PRR5L: variants seen among roughly 807,000 people sequenced by gnomAD.
PRR5L encodes the protein proline rich 5 like.
In PRR5L, 21 loss-of-function variants were observed where a neutral mutation model predicts 36.4. The observed-to-expected ratio is 0.58, with a 90% CI of 0.41 to 0.83. The LOEUF (loss-of-function observed/expected upper bound fraction) is 0.83, where lower values mean the gene tolerates loss of function less well. Ranked by LOEUF, PRR5L falls within the 40% of genes least tolerant of loss-of-function variation. PRR5L has a pLI of 0.00. For synonymous variants in PRR5L, 188 were observed against 197.0 expected (o/e 0.95, Z 0.38); for missense variants, 381 against 473.3 (o/e 0.80, Z 1.81).
In PRR5L at chr11:36,344,185, C is replaced by T. The variant is rs958656357; in HGVS notation, c.-126+47747C>T. Among the ~76,000 whole-genome samples the T allele has an allele frequency of 6.6e-6, 1 of 151,858 alleles. No homozygotes were observed. The highest frequency in any genetic ancestry group is 2.4e-5 in the African/African-American group (1 of 41,300). On this transcript the variant is annotated intron_variant, in intron 1 of 8. Transcript: ENST00000530639. The surrounding 1 kb of genome is among the most constrained non-coding windows in gnomAD (Gnocchi z 4.1). Reference sequence around the variant, plus strand: ...TGAGCCAAGATTGTGCCACTGCACACTCCAGCCTGGGCAACAAGCGCAAAA... The same window carrying T: ...TGAGCCAAGATTGTGCCACTGCACATTCCAGCCTGGGCAACAAGCGCAAAA...
intron 7 of PRR5L, 75 bp from the exon 8 acceptor site, chr11:36,451,134 G>A: frequency 1.3e-6 from 2 of 1,562,042 alleles, no homozygotes; most frequent in Non-Finnish European, 1.8e-6. Flanking sequence ...GGACAATCAG[G>A]ATTTGTTGAG....
At chr11:36,444,959 C>A (rs1453337172) in intron 6 of PRR5L, among the ~76,000 whole-genome samples, 3 of 152,180 alleles carry the variant, frequency 2.0e-5, no homozygotes, top group Non-Finnish European at 4.4e-5. Context: ...TACCAACTGG[C>A]CAACTTTTAA....
At chr11:36,359,859 A>G (rs1291234579) in intron 1 of PRR5L, among the ~76,000 whole-genome samples, 1 of 152,184 alleles carries the variant, frequency 6.6e-6, no homozygotes, top group Non-Finnish European at 1.5e-5. Flanking sequence ...CAACAGGGCA[A>G]AACCCCATCT....
At chr11:36,385,569 G>A (rs1374228089) in intron 1 of PRR5L, among the ~76,000 whole-genome samples, 1 of 152,192 alleles carries the variant, frequency 6.6e-6, no homozygotes, top group Non-Finnish European at 1.5e-5. Flanking sequence ...ATTTATTGTT[G>A]TGCAAATTTG....
intron 1 of PRR5L, among the ~76,000 whole-genome samples, chr11:36,345,797 G>A (rs1350517444): frequency 2.0e-5 from 3 of 152,194 alleles, no homozygotes; most frequent in South Asian, 2.1e-4. Context: ...CAGATGCTCC[G>A]GGAAAAGCTC....
At chr11:36,424,369 T>C (rs551721259) in intron 4 of PRR5L, among the ~76,000 whole-genome samples, 1 of 152,300 alleles carries the variant, frequency 6.6e-6, no homozygotes, top group Non-Finnish European at 1.5e-5. Flanking sequence ...TCTACACAAG[T>C]ATGTATTTGC....
At chr11:36,441,852 A>G (rs1241362578) in intron 6 of PRR5L, among the ~76,000 whole-genome samples, 2 of 152,154 alleles carry the variant, frequency 1.3e-5, no homozygotes, top group African/African-American at 4.8e-5. Flanking sequence ...GAAGCCACCA[A>G]GGCTTATAGC....
intron 1 of PRR5L, among the ~76,000 whole-genome samples, chr11:36,375,817 G>T (rs1467839586): frequency 6.6e-6 from 1 of 152,220 alleles, no homozygotes; most frequent in African/African-American, 2.4e-5. Flanking sequence ...GTTAGAAAAT[G>T]AGTTTGGGAG....
chr11:36,430,014 A>G (rs554756579), intron 4 of PRR5L, among the ~76,000 whole-genome samples: 1 of 152,230 alleles, frequency 6.6e-6, no homozygotes, highest in East Asian at 1.9e-4. Context: ...GTGTTTCACA[A>G]TTCTTTGTGA....
At chr11:36,314,678 C>T (rs1856537573) in intron 1 of PRR5L, among the ~76,000 whole-genome samples, 2 of 152,174 alleles carry the variant, frequency 1.3e-5, no homozygotes, top group African/African-American at 2.4e-5. Flanking sequence ...TGCTCTGACC[C>T]TCAATATTAC....
chr11:36,356,177 G>A (rs902455373), intron 1 of PRR5L, among the ~76,000 whole-genome samples: 3 of 152,136 alleles, frequency 2.0e-5, no homozygotes, highest in African/African-American at 7.2e-5. Context: ...CTCCTAAAAT[G>A]CTGGAATTAC....
At chr11:36,408,587 G>T (rs972726956) in intron 3 of PRR5L, among the ~76,000 whole-genome samples, 2 of 152,096 alleles carry the variant, frequency 1.3e-5, no homozygotes, top group African/African-American at 4.8e-5. Context: ...TTCTCAATGG[G>T]GTGTTAGTGC....
At chr11:36,352,689 C>G (rs1447991864) in intron 1 of PRR5L, among the ~76,000 whole-genome samples, 1 of 152,124 alleles carries the variant, frequency 6.6e-6, no homozygotes, top group East Asian at 1.9e-4. Context: ...CAGTGCTAAT[C>G]CCAGGTTACA....
At chr11:36,316,240 A>C (rs1309738488) in intron 1 of PRR5L, among the ~76,000 whole-genome samples, 1 of 152,212 alleles carries the variant, frequency 6.6e-6, no homozygotes, top group African/African-American at 2.4e-5. Flanking sequence ...GCTGTGTTCC[A>C]ATAAAACTTT....
chr11:36,394,776 C>G (rs767755032), intron 1 of PRR5L, among the ~76,000 whole-genome samples: 1 of 152,154 alleles, frequency 6.6e-6, no homozygotes, highest in African/African-American at 2.4e-5. Flanking sequence ...CTTCTCTTCT[C>G]AAAATTCTTA....
chr11:36,433,553 T>C (rs1210894169), intron 5 of PRR5L, among the ~76,000 whole-genome samples: 2 of 152,162 alleles, frequency 1.3e-5, no homozygotes, highest in East Asian at 3.9e-4. Flanking sequence ...AGTGGCTCTT[T>C]TGCTTCTTTT....
At chr11:36,403,498 C>A in intron 3 of PRR5L, 120 bp downstream of exon 3, 1 of 663,752 alleles carries the variant, frequency 1.5e-6, no homozygotes, top group Non-Finnish European at 2.5e-6. Context: ...ATTCTTATTG[C>A]TTCTTCTGTC....
In PRR5L at chr11:36,377,924, G is replaced by T. The variant is rs754647097; in HGVS notation, c.-125-23073G>T. Among the ~76,000 whole-genome samples, 1 of 152,150 alleles carries T rather than the reference G, an allele frequency of 6.6e-6. No homozygotes were observed. Among genetic ancestry groups the T allele is most frequent in the Non-Finnish European group, 1.5e-5 (1 of 68,028 alleles). On this transcript the variant is annotated intron_variant, in intron 1 of 8. Coordinates refer to ENST00000530639, the MANE Select transcript of PRR5L (RefSeq NM_001160167.2). This position sits in a 1 kb window ranked among gnomAD's most constrained non-coding sequence, Gnocchi z 5.1. ...TCTGGACCTGTTGCCCAGACGACAC[G>T]TGCACATTCAGATGACCCATGCTAA...
chr11:36,315,607 C>T (rs1006794316), intron 1 of PRR5L, among the ~76,000 whole-genome samples: 2 of 152,162 alleles, frequency 1.3e-5, no homozygotes, highest in Admixed American at 6.5e-5. Flanking sequence ...TAGAATTAAT[C>T]TGAAGTATAA....
Sources: gnomAD v4.1 joint callset for allele counts (sites outside exome capture counted in the v4.1 genomes callset) on GRCh38, gnomAD v4.1.1 for gene constraint, Gnocchi (gnomAD v3.1) non-coding constraint, MANE v1.5 for transcripts, NCBI Gene and HGNC (gene_info 2026-07-23, HGNC 2026-07-21) for gene names.